Variants in CPA3 observed in about 807,000 individuals in gnomAD.
CPA3 encodes the protein mast cell carboxypeptidase A.
In CPA3, 52 loss-of-function variants were observed where a neutral mutation model predicts 55.8. The observed-to-expected ratio is 0.93, with a 90% CI of 0.75 to 1.17. The LOEUF (loss-of-function observed/expected upper bound fraction) is 1.17. Ranked by LOEUF, CPA3 falls within the 50% of genes most tolerant of loss-of-function variation. The pLI, the probability that CPA3 is intolerant of heterozygous loss-of-function variation, is 0.00. For synonymous variants in CPA3, 179 were observed against 171.2 expected, an observed-to-expected ratio of 1.05 and a Z score of -0.36; for missense variants, 547 against 509.1, an observed-to-expected ratio of 1.07 and a Z score of -0.72.
intron 6 of CPA3, 39 bp downstream of exon 6, chr3:148,879,928 C>A: frequency 7.3e-7 from 1 of 1,370,160 alleles, no homozygotes; most frequent in Non-Finnish European, 1.0e-6. Flanking sequence ...CCTTTGACTG[C>A]CAAGTCTCCA....
rs759848761 is a variant in CPA3, at chr3:148,882,518, G to GA, written c.707dup (p.Asn236LysfsTer14). 3.1e-5 allele frequency: 50 copies of GA among 1,613,502 alleles called. No homozygotes were observed. Among genetic ancestry groups the GA allele is most frequent in the Non-Finnish European group, 4.2e-5 (49 of 1,179,658 alleles). ...TCAATCTGGCAGAACCGCATGTGGA[G>GA]AAAAAATCGTTCCAAGAACCAAAAC... is the stretch of plus-strand genomic sequence containing the variant. On this transcript the variant is annotated frameshift_variant, in exon 8 of 11. Coordinates refer to ENST00000296046, the MANE Select transcript of CPA3 (RefSeq NM_001870.4). LOFTEE classifies it high-confidence loss of function.
rs1372351044 is a variant in CPA3, at chr3:148,869,014, T to C, written c.244T>C (p.Leu82=). Residue 82 remains leucine, a synonymous_variant, in exon 3 of 11, where the codon TTG becomes CTG. Coordinates refer to ENST00000296046, the MANE Select transcript of CPA3 (RefSeq NM_001870.4). ...GGAATCCCAAGCCATCCAGTCTGCCTTGGATCAAAATAAAATGCACTATGA... is the reference window on the plus strand; with the variant it reads ...GGAATCCCAAGCCATCCAGTCTGCCCTGGATCAAAATAAAATGCACTATGA... ...EKESQAIQSA[L]DQNKMHYEIL... is the part of the protein sequence containing the mutation. 2 of 1,614,074 alleles carry C rather than the reference T, an allele frequency of 1.2e-6. No homozygotes were observed. Among genetic ancestry groups the C allele is most frequent in the South Asian group, 1.1e-5 (1 of 91,066 alleles).
intron 10 of CPA3, among the ~76,000 whole-genome samples, chr3:148,895,062 C>T (rs565905626): frequency 6.6e-6 from 1 of 152,266 alleles, no homozygotes; most frequent in African/African-American, 2.4e-5. Flanking sequence ...GTCAGGCTTT[C>T]ATTTCACACT....
chr3:148,882,355 A>G, intron 7 of CPA3, 150 bp from the exon 8 acceptor site: 1 of 557,816 alleles, frequency 1.8e-6, no homozygotes, highest in African/African-American at 1.9e-5. Context: ...ATAAGAAAAC[A>G]ATATTTTTTT....
At chr3:148,874,047 G>T (rs1290689694) in intron 3 of CPA3, among the ~76,000 whole-genome samples, 1 of 152,136 alleles carries the variant, frequency 6.6e-6, no homozygotes, top group Non-Finnish European at 1.5e-5. Flanking sequence ...GTTAGTAGAA[G>T]GGCTTGTGAA....
chr3:148,878,299 T>C, intron 3 of CPA3, 142 bp from the exon 4 acceptor site: 2 of 669,408 alleles, frequency 3.0e-6, no homozygotes, highest in Non-Finnish European at 2.7e-6. Flanking sequence ...CTAAAGGAGA[T>C]AGCTAGAGGA....
Position 148,865,362 on chromosome 3 carries a change from G to A in CPA3, c.55G>A (p.Val19Ile), listed in dbSNP as rs1449452615. 5 of 1,613,942 alleles carry A rather than the reference G, an allele frequency of 3.1e-6. No individual in the cohort carries two copies. In the African/African-American group the frequency reaches 5.3e-5, roughly 17 times the overall value. The change falls in exon 1 of 11, where the codon GTC becomes ATC. Residue 19 changes from valine to isoleucine, a missense_variant. Coordinates refer to ENST00000296046, the MANE Select transcript of CPA3 (RefSeq NM_001870.4). ...TGCTACCACTCTTGCAATTGCTCCTGTCCGCTTTGACAGGTAAATCTTACT... is the reference window on the plus strand; with the variant it reads ...TGCTACCACTCTTGCAATTGCTCCTATCCGCTTTGACAGGTAAATCTTACT... ...LIATTLAIAP[V>I]RFDREKVFRV...
intron 8 of CPA3, 131 bp from the exon 9 acceptor site, chr3:148,883,482 T>C (rs1377707013): frequency 2.9e-6 from 2 of 683,200 alleles, no homozygotes; most frequent in Non-Finnish European, 2.5e-6. Context: ...ACAAGAGACA[T>C]TGAAGCAGCC....
rs570897012 is a variant in CPA3 at position 148,886,152 on chromosome 3, C to T, written c.1041C>T (p.Ile347=). The change falls in exon 10 of 11, where the codon ATC becomes ATT. Residue 347 remains isoleucine (I), a synonymous_variant. Coordinates refer to ENST00000296046, the MANE Select transcript of CPA3 (RefSeq NM_001870.4). Reference sequence around the variant, plus strand: ...CAACTCGATATGAAACCCGCTACATCTATGGCCCAATAGAATCAACAATTT... The same window carrying T: ...CAACTCGATATGAAACCCGCTACATTTATGGCCCAATAGAATCAACAATTT... The part of the protein sequence containing the change: ...VLSTRYETRY[I]YGPIESTIYP... 14 of 1,612,780 alleles carry T rather than the reference C, an allele frequency of 8.7e-6. No homozygotes were observed. In the South Asian group the frequency reaches 1.3e-4, roughly 15 times the overall value.
intron 9 of CPA3, 72 bp from the exon 10 acceptor site, chr3:148,886,021 A>G: frequency 2.8e-6 from 3 of 1,061,562 alleles, no homozygotes. Flanking sequence ...AATTGCATAC[A>G]TACATAATTA....
At chr3:148,893,116 A>C (rs1714722379) in intron 10 of CPA3, among the ~76,000 whole-genome samples, 1 of 152,194 alleles carries the variant, frequency 6.6e-6, no homozygotes, top group Non-Finnish European at 1.5e-5. Flanking sequence ...GAATATAATC[A>C]AAAATCGCTT....
chr3:148,883,807 G>A lies in CPA3; in HGVS notation c.973G>A (p.Glu325Lys), dbSNP rs1714447451. 6.2e-7 allele frequency: 1 copy of A among 1,613,516 alleles called. No homozygotes were observed. Residue 325 changes from glutamate to lysine, a missense_variant, in exon 9 of 11, where the codon GAG becomes AAG. Physicochemically the swap from Glu to Lys is moderately conservative, Grantham distance 56. Coordinates refer to ENST00000296046, the MANE Select transcript of CPA3 (RefSeq NM_001870.4). ...TACATCAAAACTGCCACCTAACCAT[G>A]AGGACTTGGTACGTAGACAAAAGTT... ...GYTSKLPPNH[E>K]DLAKVAKIGT...
intron 9 of CPA3, 148 bp from the exon 10 acceptor site, chr3:148,885,945 T>C: frequency 1.6e-6 from 1 of 632,748 alleles, no homozygotes; most frequent in Non-Finnish European, 2.8e-6. Flanking sequence ...CATAGGGTTG[T>C]TATGAGTCTT....
At chr3:148,868,829 A>C in intron 2 of CPA3, 86 bp from the exon 3 acceptor site, 1 of 1,450,266 alleles carries the variant, frequency 6.9e-7, no homozygotes, top group Non-Finnish European at 9.3e-7. Flanking sequence ...AATTCCTTTC[A>C]TGGTGTATGA....
intron 3 of CPA3, among the ~76,000 whole-genome samples, chr3:148,870,911 T>A (rs797019824): frequency 8.5e-5 from 13 of 152,298 alleles, no homozygotes; most frequent in African/African-American, 2.9e-4. Flanking sequence ...TCTTGTTTTG[T>A]TTTTTGAGAT....
intron 10 of CPA3, 122 bp from the exon 11 acceptor site, chr3:148,896,398 C>A: frequency 1.4e-6 from 1 of 738,180 alleles, no homozygotes. Context: ...TACTCTCATT[C>A]ATTACTGCAA....
intron 3 of CPA3, among the ~76,000 whole-genome samples, chr3:148,872,641 C>A (rs7646258): frequency 0.64 from 98,041 of 152,028 alleles, 31,917 homozygotes; most frequent in African/African-American, 0.7. Flanking sequence ...CAGTCCTATC[C>A]AGTGTTTCAA....
At chr3:148,867,821 T>C (rs1413452198) in intron 2 of CPA3, among the ~76,000 whole-genome samples, 2 of 152,240 alleles carry the variant, frequency 1.3e-5, no homozygotes, top group African/African-American at 4.8e-5. Flanking sequence ...TTGTACTTCA[T>C]TTAGTTTCAC....
intron 3 of CPA3, among the ~76,000 whole-genome samples, chr3:148,873,078 A>T (rs1430528590): frequency 6.8e-6 from 1 of 147,374 alleles, no homozygotes; most frequent in Admixed American, 6.8e-5. Context: ...AGAAACAGGG[A>T]ATAACTAGAG....
Sources: allele counts gnomAD v4.1 joint callset (sites outside exome capture counted in the v4.1 genomes callset), GRCh38; gene constraint gnomAD v4.1.1; transcripts MANE v1.5; gene names NCBI Gene and HGNC (gene_info 2026-07-23, HGNC 2026-07-21).